CRTC1: variants seen among roughly 807,000 people sequenced by gnomAD.
The protein encoded by CRTC1 is CREB regulated transcription coactivator 1.
A neutral mutation model predicts 66.1 loss-of-function variants in CRTC1; 18 were observed. The observed-to-expected ratio is 0.27, with a 90% CI of 0.19 to 0.40. The LOEUF is 0.40. Among genes scored for constraint, CRTC1 ranks in the 10% least tolerant of loss-of-function variants. CRTC1 has a pLI of 1.00. For missense variants in CRTC1, 669 were observed against 887.9 expected (o/e 0.75, Z 3.13); for synonymous variants, 416 against 398.8 (o/e 1.04, Z -0.51).
At chr19:18,703,527 C>G (rs1272638336) in intron 1 of CRTC1, among the ~76,000 whole-genome samples, 1 of 152,070 alleles carries the variant, frequency 6.6e-6, no homozygotes, top group Non-Finnish European at 1.5e-5. Context: ...GGCACGATCT[C>G]AGCTCACTGC....
rs1299530230 is a variant in CRTC1, at chr19:18,777,535, A to C, written c.*153A>C. ...CCCGCCAGCCCGCCCCCGGTTGTCC[A>C]CCTCCCGCGAAGCCCAATCGCGAGG... On this transcript the variant is annotated 3_prime_UTR_variant, in exon 14 of 14. Coordinates refer to ENST00000321949, the MANE Select transcript of CRTC1 (RefSeq NM_015321.3). This position sits in a 1 kb window ranked among gnomAD's most constrained non-coding sequence, Gnocchi z 5.5. The C allele has an allele frequency of 4.3e-6, 3 of 699,672 alleles. No individual in the cohort carries two copies. The Admixed American group carries it at 7.8e-5, about 18-fold the overall frequency. 43.3% of individuals were successfully genotyped at this position (699,672 alleles called of 1,614,324 possible). A position where few individuals can be genotyped will look rare whatever the true frequency, so the allele number is the denominator to read the frequency against.
intron 1 of CRTC1, among the ~76,000 whole-genome samples, chr19:18,730,498 C>T (rs542760041): frequency 3.4e-4 from 51 of 152,196 alleles, no homozygotes; most frequent in African/African-American, 1.2e-3. Context: ...GCCGTGGAGT[C>T]ACCGGCTGGG....
intron 1 of CRTC1, among the ~76,000 whole-genome samples, chr19:18,691,665 A>G (rs2052841840): frequency 6.6e-6 from 1 of 151,960 alleles, no homozygotes; most frequent in Non-Finnish European, 1.5e-5. Context: ...AGGGATAGGA[A>G]GGGTCTTCCC....
intron 4 of CRTC1, among the ~76,000 whole-genome samples, chr19:18,748,942 A>G (rs573210242): frequency 6.6e-6 from 1 of 152,284 alleles, no homozygotes; most frequent in East Asian, 1.9e-4. Context: ...TCTCCATTGT[A>G]GTCCGTGTTA....
intron 1 of CRTC1, among the ~76,000 whole-genome samples, chr19:18,707,097 C>G (rs1337959013): frequency 6.6e-6 from 1 of 152,066 alleles, no homozygotes; most frequent in Non-Finnish European, 1.5e-5. Flanking sequence ...GGTGTCCGAT[C>G]CAAGAAATTA....
intron 1 of CRTC1, among the ~76,000 whole-genome samples, chr19:18,689,905 C>T (rs1049870340): frequency 1.2e-4 from 18 of 151,766 alleles, no homozygotes; most frequent in African/African-American, 4.1e-4. Context: ...CATTTGAGGA[C>T]GTCGTGTGTC....
intron 1 of CRTC1, among the ~76,000 whole-genome samples, chr19:18,738,025 G>A (rs1243635856): frequency 1.3e-5 from 2 of 152,160 alleles, no homozygotes; most frequent in East Asian, 1.9e-4. Flanking sequence ...GGAGGAGTCA[G>A]AAGTTATACT....
Position 18,774,968 on chromosome 19 carries a change from C to T in CRTC1, c.1494C>T (p.Ala498=). 2 of 1,606,994 alleles carry T rather than the reference C, an allele frequency of 1.2e-6. No individual in the cohort carries two copies. Among genetic ancestry groups the T allele is most frequent in the African/African-American group, 1.3e-5 (1 of 75,030 alleles). ...YYEQQMAARQ[A]NALSHQLEQF... The stretch of plus-strand genomic sequence containing the variant: ...AGCAGCAGATGGCGGCCAGGCAGGC[C>T]AATGCTCTGTCCCACCAGGTGAGCG... Residue 498 remains alanine, a synonymous_variant, in exon 12 of 14, where the codon GCC becomes GCT. Transcript: ENST00000321949.
intron 1 of CRTC1, among the ~76,000 whole-genome samples, chr19:18,704,100 A>G (rs777554237): frequency 5.9e-5 from 9 of 152,116 alleles, no homozygotes; most frequent in Admixed American, 5.9e-4. Context: ...CACAGAAGTG[A>G]AGTGCTCGTT....
rs2054116252 is a variant in CRTC1 at position 18,741,777 on chromosome 19, C to G, written c.127-1133C>G. On this transcript the variant is annotated intron_variant, in intron 1 of 13. Transcript: ENST00000321949. This position sits in a 1 kb window ranked among gnomAD's most constrained non-coding sequence, Gnocchi z 4.2. ...AAGGTTAATCTTACCATCGGCTCCA[C>G]TTCAGCTCACAGGAAACAGCTGTTT... Among the ~76,000 whole-genome samples, 1 of 152,232 alleles carries G rather than the reference C, an allele frequency of 6.6e-6. No homozygotes were observed. Among genetic ancestry groups the G allele is most frequent in the African/African-American group, 2.4e-5 (1 of 41,464 alleles).
chr19:18,737,311 G>A (rs1377702688), intron 1 of CRTC1, among the ~76,000 whole-genome samples: 3 of 152,008 alleles, frequency 2.0e-5, no homozygotes, highest in Non-Finnish European at 4.4e-5. Flanking sequence ...TATCAGGAGC[G>A]GGGGTCCCTG....
At chr19:18,733,557 G>A (rs1161222424) in intron 1 of CRTC1, among the ~76,000 whole-genome samples, 1 of 152,216 alleles carries the variant, frequency 6.6e-6, no homozygotes, top group Non-Finnish European at 1.5e-5. Context: ...GGGCCCAGGA[G>A]ACTCAGCCTG....
At chr19:18,769,985 C>T (rs980179293) in intron 10 of CRTC1, among the ~76,000 whole-genome samples, 22 of 152,234 alleles carry the variant, frequency 1.4e-4, no homozygotes, top group African/African-American at 4.6e-4. Context: ...CCATCACCCA[C>T]GCAGGCGAGC....
At chr19:18,774,390 C>T (rs898728946) in intron 11 of CRTC1, among the ~76,000 whole-genome samples, 2 of 152,218 alleles carry the variant, frequency 1.3e-5, no homozygotes, top group African/African-American at 2.4e-5. Flanking sequence ...CAGGGGCTCT[C>T]CCTGTGCCTG....
At chr19:18,716,964 C>A (rs1568494140) in intron 1 of CRTC1, among the ~76,000 whole-genome samples, 1 of 151,928 alleles carries the variant, frequency 6.6e-6, no homozygotes, top group Admixed American at 6.6e-5. Context: ...TGGGAGCTGG[C>A]GTGCAGGCAG....
In CRTC1 at chr19:18,777,384, C is replaced by A. The variant is rs762972705; in HGVS notation, c.*2C>A. The A allele has an allele frequency of 3.7e-6, 6 of 1,600,818 alleles. No individual in the cohort carries two copies. The highest frequency in any genetic ancestry group is 5.1e-6 in the Non-Finnish European group (6 of 1,179,478). ...ACCTTCCGGATGGACCGCCTGTGAGCGGGCACGCCGGCACCCTGCCGCTCA... is the reference window on the plus strand; with the variant it reads ...ACCTTCCGGATGGACCGCCTGTGAGAGGGCACGCCGGCACCCTGCCGCTCA... On this transcript the variant is annotated 3_prime_UTR_variant, in exon 14 of 14. Transcript: ENST00000321949. The surrounding 1 kb of genome is among the most constrained non-coding windows in gnomAD (Gnocchi z 5.5).
chr19:18,730,131 G>A (rs533772059), intron 1 of CRTC1, among the ~76,000 whole-genome samples: 98 of 152,258 alleles, frequency 6.4e-4, no homozygotes, highest in South Asian at 2.1e-3. Context: ...GGCTTACCCT[G>A]GGAAGGTGGC....
intron 1 of CRTC1, among the ~76,000 whole-genome samples, chr19:18,708,931 C>G (rs572665065): frequency 2.6e-5 from 4 of 152,338 alleles, no homozygotes; most frequent in Non-Finnish European, 4.4e-5. Flanking sequence ...GGTGACTCCT[C>G]CCTGCCGCTC....
rs1326673934 is a variant in CRTC1 at position 18,760,505 on chromosome 19, C to G, written c.886+277C>G. ...CTTTGGGGAGTCCAGGAGGGAAGCC[C>G]TGGGAGTTTTAACGCAGCTGGGGTG... On this transcript the variant is annotated intron_variant, in intron 8 of 13. Coordinates refer to ENST00000321949, the MANE Select transcript of CRTC1 (RefSeq NM_015321.3). The surrounding 1 kb of genome is among the most constrained non-coding windows in gnomAD (Gnocchi z 6.2). 6.6e-6 allele frequency among the ~76,000 whole-genome samples: 1 copy of G among 152,014 alleles called. No homozygotes were observed. The highest frequency in any genetic ancestry group is 1.5e-5 in the Non-Finnish European group (1 of 67,968).
Sources: allele counts gnomAD v4.1 joint callset (sites outside exome capture counted in the v4.1 genomes callset), GRCh38; gene constraint gnomAD v4.1.1; non-coding constraint Gnocchi (gnomAD v3.1); transcripts MANE v1.5; gene names NCBI Gene and HGNC (gene_info 2026-07-23, HGNC 2026-07-21).